Variants in EYS observed in about 807,000 individuals in gnomAD.
The protein encoded by EYS is EGF-like photoreceptor maintenance factor, also known as protein eyes shut homolog.
Under a neutral mutation model 282.1 loss-of-function variants are expected in EYS, and 250 were observed. The ratio of observed to expected loss-of-function variants is 0.89; its 90% CI spans 0.80 to 0.98. The LOEUF (loss-of-function observed/expected upper bound fraction) is 0.98. EYS is among the 50% of genes least tolerant of loss of function. The pLI, the probability that EYS is intolerant of heterozygous loss-of-function variation, is 0.00. For synonymous variants in EYS, 1,355 were observed against 1,282.9 expected (o/e 1.06, Z -1.20); for missense variants, 4,016 against 3,709.0 (o/e 1.08, Z -2.15).
intron 22 of EYS, among the ~76,000 whole-genome samples, chr6:64,721,289 G>T (rs1771570457): frequency 6.6e-6 from 1 of 152,124 alleles, no homozygotes; most frequent in Non-Finnish European, 1.5e-5. Context: ...CAGGAAAGTG[G>T]GGCTAGGGGC....
chr6:65,469,655 A>AT (rs1765135058), intron 5 of EYS, among the ~76,000 whole-genome samples: 1 of 151,838 alleles, frequency 6.6e-6, no homozygotes, highest in African/African-American at 2.4e-5. Context: ...GAAAATTTGT[A>AT]TTTTTCAAGA....
intron 30 of EYS, among the ~76,000 whole-genome samples, chr6:64,280,142 T>C (rs1254193421): frequency 6.6e-6 from 1 of 152,196 alleles, no homozygotes; most frequent in East Asian, 1.9e-4. Context: ...TTGGTAGAAA[T>C]GTAAGCATGT....
At chr6:65,389,339 A>G (rs962522771) in intron 7 of EYS, among the ~76,000 whole-genome samples, 1 of 152,122 alleles carries the variant, frequency 6.6e-6, no homozygotes, top group Non-Finnish European at 1.5e-5. Context: ...GGACTCATGC[A>G]TGGATAGGGC....
At chr6:64,552,843 G>T (rs1448278094) in intron 26 of EYS, among the ~76,000 whole-genome samples, 4 of 151,550 alleles carry the variant, frequency 2.6e-5, no homozygotes, top group African/African-American at 9.7e-5. Flanking sequence ...CACTTGAACT[G>T]GGGAGGCAGA....
At chr6:64,962,559 C>T (rs1030716747) in intron 14 of EYS, among the ~76,000 whole-genome samples, 5 of 150,368 alleles carry the variant, frequency 3.3e-5, no homozygotes, top group African/African-American at 1.2e-4. Flanking sequence ...GGAAGACACC[C>T]TATCTTTACA....
At chr6:65,395,698 G>A (rs1055645637) in intron 7 of EYS, among the ~76,000 whole-genome samples, 6 of 151,862 alleles carry the variant, frequency 4.0e-5, no homozygotes, top group African/African-American at 1.2e-4. Flanking sequence ...TGAGATACAC[G>A]TGATGTTTTG....
intron 35 of EYS, among the ~76,000 whole-genome samples, chr6:63,877,444 G>A (rs993150761): frequency 3.3e-5 from 5 of 152,008 alleles, no homozygotes; most frequent in African/African-American, 9.7e-5. Context: ...TGACAATTAC[G>A]TGTCTTGGAG....
At chr6:64,297,993 AAAAAAAT>A (rs1769096108) in intron 30 of EYS, among the ~76,000 whole-genome samples, 1 of 151,652 alleles carries the variant, frequency 6.6e-6, no homozygotes, top group African/African-American at 2.4e-5. Flanking sequence ...AAAAAAAAAA[AAAAAAAT>A]TAGGTAGAAA....
At chr6:65,341,003 T>C (rs1396798790) in intron 10 of EYS, among the ~76,000 whole-genome samples, 4 of 151,120 alleles carry the variant, frequency 2.6e-5, no homozygotes, top group African/African-American at 9.7e-5. Flanking sequence ...AAATGTCATG[T>C]TTCTGTTGTT....
chr6:64,712,785 G>A (rs890987814), intron 22 of EYS, among the ~76,000 whole-genome samples: 3 of 152,126 alleles, frequency 2.0e-5, no homozygotes, highest in Non-Finnish European at 4.4e-5. Flanking sequence ...GCATGGAAAG[G>A]CTGAGGCATT....
chr6:64,640,996 A>C (rs1768130843), intron 22 of EYS, among the ~76,000 whole-genome samples: 1 of 152,216 alleles, frequency 6.6e-6, no homozygotes, highest in Non-Finnish European at 1.5e-5. Flanking sequence ...AGTTGAAATT[A>C]AATTCTCCCT....
rs148789300 is a variant in EYS at position 64,072,478 on chromosome 6, A to G, written c.6572-5987T>C. Among the ~76,000 whole-genome samples the G allele has an allele frequency of 9.2e-3, 1,402 of 151,640 alleles. 21 individuals carry two copies. Among genetic ancestry groups the G allele is most frequent in the African/African-American group, 0.032 (1,318 of 41,366 alleles). ...TGCTTTTATCTGAATTTGAGAGTAT[A>G]ATTAAAATTTTTTTGTATTCTTGAC... On this transcript the variant is annotated intron_variant, in intron 32 of 42. Transcript: ENST00000503581.
intron 29 of EYS, among the ~76,000 whole-genome samples, chr6:64,363,270 T>C (rs953122561): frequency 3.3e-5 from 5 of 151,964 alleles, no homozygotes; most frequent in Admixed American, 3.3e-4. Flanking sequence ...TTTTATTTTA[T>C]AAACAATTGC....
intron 1 of EYS, among the ~76,000 whole-genome samples, chr6:65,661,238 G>A (rs1398388547): frequency 1.3e-5 from 2 of 151,652 alleles, no homozygotes; most frequent in East Asian, 1.9e-4. Context: ...TATATGAGAC[G>A]GTAAAATATT....
At chr6:65,159,010 ATT>A (rs1179179372) in intron 12 of EYS, among the ~76,000 whole-genome samples, 1 of 150,722 alleles carries the variant, frequency 6.6e-6, no homozygotes, top group Admixed American at 6.6e-5. Flanking sequence ...TTTTGTTTGT[ATT>A]TTTAATAGTG....
chr6:64,726,850 C>A (rs1771774362), intron 22 of EYS, among the ~76,000 whole-genome samples: 1 of 152,048 alleles, frequency 6.6e-6, no homozygotes, highest in Non-Finnish European at 1.5e-5. Context: ...ACATAATGTT[C>A]CATTTCAGGC....
chr6:64,246,304 A>C (rs546799934), intron 30 of EYS, among the ~76,000 whole-genome samples: 2 of 151,578 alleles, frequency 1.3e-5, no homozygotes, highest in Non-Finnish European at 2.9e-5. Context: ...TGAACGTTAT[A>C]TATGTCTTAT....
intron 22 of EYS, among the ~76,000 whole-genome samples, chr6:64,637,089 CTGGGT>C (rs1768009918): frequency 1.9e-5 from 2 of 105,922 alleles, no homozygotes; most frequent in Admixed American, 1.0e-4. Context: ...CATCCCATTA[CTGGGT>C]ATATACCCAA....
At chr6:64,890,654 T>A (rs937354952) in intron 18 of EYS, among the ~76,000 whole-genome samples, 1 of 152,166 alleles carries the variant, frequency 6.6e-6, no homozygotes, top group Non-Finnish European at 1.5e-5. Context: ...TGCTTTTTTG[T>A]TTGCTCTTTA....
Sources: allele counts gnomAD v4.1 joint callset (sites outside exome capture counted in the v4.1 genomes callset), GRCh38; gene constraint gnomAD v4.1.1; transcripts MANE v1.5; gene names NCBI Gene and HGNC (gene_info 2026-07-23, HGNC 2026-07-21).